Variants in MAGI1 observed in about 807,000 individuals in gnomAD.
MAGI1 encodes the protein membrane associated guanylate kinase, WW and PDZ domain containing 1, also known as membrane-associated guanylate kinase, WW and PDZ domain-containing protein 1.
In MAGI1, 58 loss-of-function variants were observed where a neutral mutation model predicts 139.9. That is an observed-to-expected ratio of 0.41 (90% CI 0.34 to 0.52). The LOEUF is 0.52. Among genes scored for constraint, MAGI1 ranks in the 20% least tolerant of loss-of-function variants. MAGI1 has a pLI of 0.12. For missense variants in MAGI1, 1,874 were observed against 1,901.6 expected (o/e 0.99, Z 0.27); for synonymous variants, 812 against 737.9 (o/e 1.10, Z -1.63).
chr3:65,375,638 T>C (rs148682909), intron 18 of MAGI1, 107 bp downstream of exon 18: 10 of 956,442 alleles, frequency 1.0e-5, no homozygotes, highest in Non-Finnish European at 1.6e-5. Flanking sequence ...ATTAATACTA[T>C]TCAGTTACAC....
At chr3:65,736,405 G>C (rs956407539) in intron 1 of MAGI1, among the ~76,000 whole-genome samples, 1 of 152,160 alleles carries the variant, frequency 6.6e-6, no homozygotes, top group Non-Finnish European at 1.5e-5. Flanking sequence ...TATATAAGAA[G>C]AAGTTTATTT....
At chr3:65,581,144 C>A (rs1354000216) in intron 2 of MAGI1, among the ~76,000 whole-genome samples, 1 of 152,126 alleles carries the variant, frequency 6.6e-6, no homozygotes, top group Non-Finnish European at 1.5e-5. Context: ...TCTTCTGCAT[C>A]CAAGTTTGAC....
intron 5 of MAGI1, among the ~76,000 whole-genome samples, chr3:65,459,607 T>A (rs1286507988): frequency 6.6e-6 from 1 of 152,172 alleles, no homozygotes; most frequent in Non-Finnish European, 1.5e-5. Flanking sequence ...CTTTTACTTC[T>A]TTATCTTGAA....
intron 1 of MAGI1, among the ~76,000 whole-genome samples, chr3:65,780,655 T>C (rs543588895): frequency 4.9e-4 from 74 of 152,304 alleles, no homozygotes; most frequent in Non-Finnish European, 6.3e-4. Flanking sequence ...TAAAAATAAA[T>C]CATTACTTTG....
At chr3:65,362,463 T>C (rs7644460) in intron 21 of MAGI1, among the ~76,000 whole-genome samples, 11,513 of 152,138 alleles carry the variant, frequency 0.076, 1,071 homozygotes, top group East Asian at 0.37. Flanking sequence ...CTTGAATATA[T>C]ACATGCAAAA....
chr3:65,454,687 A>T (rs925432823), intron 5 of MAGI1, among the ~76,000 whole-genome samples: 1 of 151,500 alleles, frequency 6.6e-6, no homozygotes, highest in Admixed American at 6.6e-5. Context: ...AGGGTTTGCC[A>T]AAGTTTTTTA....
chr3:65,545,110 T>A (rs908503852), intron 2 of MAGI1, among the ~76,000 whole-genome samples: 9 of 152,282 alleles, frequency 5.9e-5, no homozygotes, highest in African/African-American at 1.7e-4. Flanking sequence ...AATGGACACA[T>A]ATGAAAACTT....
chr3:65,455,801 T>A (rs1949350843), intron 5 of MAGI1, among the ~76,000 whole-genome samples: 1 of 152,194 alleles, frequency 6.6e-6, no homozygotes, highest in Non-Finnish European at 1.5e-5. Context: ...ATTGTATGTC[T>A]TACTTTATGA....
At chr3:65,784,305 A>G (rs929815835) in intron 1 of MAGI1, among the ~76,000 whole-genome samples, 1 of 152,246 alleles carries the variant, frequency 6.6e-6, no homozygotes, top group Admixed American at 6.5e-5. Flanking sequence ...TGCATACAAG[A>G]GAAATGAAAA....
At chr3:65,799,257 T>C (rs2040359536) in intron 1 of MAGI1, among the ~76,000 whole-genome samples, 1 of 152,164 alleles carries the variant, frequency 6.6e-6, no homozygotes, top group Non-Finnish European at 1.5e-5. Flanking sequence ...TACAAGTACT[T>C]AGTTCAAAAG....
intron 1 of MAGI1, among the ~76,000 whole-genome samples, chr3:65,955,897 G>A (rs891095304): frequency 6.6e-5 from 10 of 151,974 alleles, no homozygotes; most frequent in Non-Finnish European, 1.3e-4. Context: ...GCAGAGAGTA[G>A]ATAAACGAAA....
At chr3:65,853,040 T>G (rs909918940) in intron 1 of MAGI1, among the ~76,000 whole-genome samples, 1 of 150,100 alleles carries the variant, frequency 6.7e-6, no homozygotes, top group Non-Finnish European at 1.5e-5. Flanking sequence ...TCCCAACTAC[T>G]CGGGAGGCTG....
chr3:65,642,454 C>T (rs1402115511), intron 1 of MAGI1, among the ~76,000 whole-genome samples: 7 of 152,184 alleles, frequency 4.6e-5, no homozygotes, highest in African/African-American at 1.4e-4. Context: ...ACCAAAAATA[C>T]TTAAGGCTAG....
At chr3:65,804,688 T>C (rs1194236182) in intron 1 of MAGI1, among the ~76,000 whole-genome samples, 1 of 151,984 alleles carries the variant, frequency 6.6e-6, no homozygotes. Flanking sequence ...CAATCAAATG[T>C]ACCCAACTGT....
At chr3:65,480,752 ACT>A (rs1951231223) in intron 3 of MAGI1, among the ~76,000 whole-genome samples, 1 of 151,574 alleles carries the variant, frequency 6.6e-6, no homozygotes, top group Admixed American at 6.6e-5. Flanking sequence ...CGCCTGGCTA[ACT>A]TTTTTGTATT....
chr3:65,867,504 G>C (rs2059771002), intron 1 of MAGI1, among the ~76,000 whole-genome samples: 1 of 152,194 alleles, frequency 6.6e-6, no homozygotes, highest in South Asian at 2.1e-4. Flanking sequence ...GGCGGCCGAA[G>C]TGAAAAGACT....
At chr3:65,861,405 T>C (rs12491013) in intron 1 of MAGI1, among the ~76,000 whole-genome samples, 17,785 of 152,226 alleles carry the variant, frequency 0.12, 1,167 homozygotes, top group Non-Finnish European at 0.15. Context: ...CTCTAAAGAC[T>C]TGGAGTTTGC....
At chr3:65,496,387 T>G (rs1304574625) in intron 2 of MAGI1, among the ~76,000 whole-genome samples, 2 of 152,146 alleles carry the variant, frequency 1.3e-5, no homozygotes, top group Non-Finnish European at 2.9e-5. Context: ...GAACAAGTTT[T>G]CGGAGAGTAG....
At chr3:65,950,935 CAAT>C (rs796341119) in intron 1 of MAGI1, among the ~76,000 whole-genome samples, 55 of 130,826 alleles carry the variant, frequency 4.2e-4, no homozygotes, top group African/African-American at 1.5e-3. Flanking sequence ...ACACTAGGAA[CAAT>C]GATAGTTGGT....
Sources: gnomAD v4.1 joint callset for allele counts (sites outside exome capture counted in the v4.1 genomes callset) on GRCh38, gnomAD v4.1.1 for gene constraint, MANE v1.5 for transcripts, NCBI Gene and HGNC (gene_info 2026-07-23, HGNC 2026-07-21) for gene names.